The following SLC12A7 variants were observed in gnomAD, a reference collection of about 807,000 sequenced individuals.
SLC12A7 encodes solute carrier family 12 member 7.
In SLC12A7, 100 loss-of-function variants were observed where a neutral mutation model predicts 120.6. That is an observed-to-expected ratio of 0.83 (90% CI 0.71 to 0.98). The LOEUF (loss-of-function observed/expected upper bound fraction) is 0.98. SLC12A7 is among the 50% of genes least tolerant of loss of function. SLC12A7 has a pLI of 0.00. For synonymous variants in SLC12A7, 760 were observed against 678.0 expected (o/e 1.12, Z -1.88); for missense variants, 1,373 against 1,548.1 (o/e 0.89, Z 1.90).
the SLC12A7 span, among the ~76,000 whole-genome samples, chr5:1,121,788 C>T: frequency 1.3e-4 from 20 of 152,176 alleles, no homozygotes; most frequent in African/African-American, 2.7e-4. Context: ...GCCCCGGAGC[C>T]GCGCAGTTTC....
At chr5:1,138,006 C>A in the SLC12A7 span, among the ~76,000 whole-genome samples, 1 of 152,190 alleles carries the variant, frequency 6.6e-6, no homozygotes, top group Non-Finnish European at 1.5e-5. Flanking sequence ...GCAGGGATAG[C>A]CGCCGGCACC....
intron 3 of SLC12A7, 27 bp downstream of exon 3, chr5:1,093,506 G>GGGCGGGGACTA (rs1554020792): frequency 6.3e-7 from 1 of 1,579,876 alleles, no homozygotes. Flanking sequence ...GGCGGGGACT[G>GGGCGGGGACTA]GGCGGGCACG....
intron 22 of SLC12A7, among the ~76,000 whole-genome samples, chr5:1,056,322 TC>T (rs1735605445): frequency 6.6e-6 from 1 of 152,106 alleles, no homozygotes; most frequent in Non-Finnish European, 1.5e-5. Flanking sequence ...AGGTCTCAGT[TC>T]CTGGGCCTCA....
chr5:1,079,604 G>A (rs1045744124), intron 9 of SLC12A7, 108 bp from the exon 10 acceptor site: 20 of 861,148 alleles, frequency 2.3e-5, no homozygotes, highest in Admixed American at 1.6e-4. Context: ...GACCCCGAGC[G>A]TGAGCTGCAG....
intron 17 of SLC12A7, among the ~76,000 whole-genome samples, chr5:1,068,581 C>A (rs938972614): frequency 1.3e-5 from 2 of 152,252 alleles, no homozygotes; most frequent in African/African-American, 4.8e-5. Context: ...GCGGGGCCTG[C>A]GGCTGGCTCC....
the SLC12A7 span, among the ~76,000 whole-genome samples, chr5:1,154,241 G>T: frequency 2.0e-4 from 30 of 151,904 alleles, no homozygotes; most frequent in African/African-American, 7.2e-4. Context: ...TCTCCAAAGC[G>T]TGTGTGTCCA....
At chr5:1,137,165 C>T in the SLC12A7 span, among the ~76,000 whole-genome samples, 1 of 152,206 alleles carries the variant, frequency 6.6e-6, no homozygotes, top group Non-Finnish European at 1.5e-5. Context: ...TTTTCACCCC[C>T]TCAAGCTCAC....
chr5:1,081,526 AAG>A (rs1561070997), intron 9 of SLC12A7, 49 bp downstream of exon 9: 1 of 1,566,612 alleles, frequency 6.4e-7, no homozygotes, highest in South Asian at 1.2e-5. Flanking sequence ...TGCCTCAAAA[AAG>A]AGAGGGAGAG....
intron 21 of SLC12A7, among the ~76,000 whole-genome samples, chr5:1,059,442 A>C (rs1282490822): frequency 6.6e-6 from 1 of 152,172 alleles, no homozygotes; most frequent in African/African-American, 2.4e-5. Flanking sequence ...CTGCAGTCTC[A>C]GAAAACCAAC....
intron 20 of SLC12A7, among the ~76,000 whole-genome samples, chr5:1,063,531 T>C (rs1209599884): frequency 3.9e-5 from 6 of 152,142 alleles, no homozygotes; most frequent in Non-Finnish European, 5.9e-5. Context: ...CTTTCTGTGA[T>C]GTCCTGGCGA....
intron 3 of SLC12A7, among the ~76,000 whole-genome samples, chr5:1,089,915 C>T (rs1045050872): frequency 6.6e-6 from 1 of 152,370 alleles, no homozygotes. Flanking sequence ...GCCCCACTCC[C>T]GCCATGAGCA....
In SLC12A7 at chr5:1,063,421, A is replaced by G. The variant is rs565023995; in HGVS notation, c.2739+423T>C. Among the ~76,000 whole-genome samples the G allele has an allele frequency of 1.6e-4, 24 of 152,222 alleles. 1 individual carries two copies. The South Asian group carries it at 1.9e-3, about 12-fold the overall frequency. On this transcript the variant is annotated intron_variant, in intron 20 of 23. Transcript: ENST00000264930. ...GACGGGGTCCCGGGCCGAGGAGGAC[A>G]CGGGACCATGGAGGACACGGAGATG...
chr5:1,056,508 CGCAGGCCACACACACACAG>C (rs1229146923), intron 22 of SLC12A7: 1 of 782,114 alleles, frequency 1.3e-6, no homozygotes, highest in African/African-American at 1.9e-5. Context: ...CACAGACACA[CGCAGGCCACACACACACAG>C]GCATGCAGGG....
chr5:1,073,934 G>T (rs1014787639), intron 16 of SLC12A7, 133 bp from the exon 17 acceptor site: 1 of 824,960 alleles, frequency 1.2e-6, no homozygotes, highest in Non-Finnish European at 1.7e-6. Context: ...GCGGGACAGG[G>T]GACAAAAGGG....
intron 1 of SLC12A7, among the ~76,000 whole-genome samples, chr5:1,102,342 C>T (rs1449404925): frequency 6.6e-6 from 1 of 152,232 alleles, no homozygotes; most frequent in African/African-American, 2.4e-5. Context: ...GCCCTAATCC[C>T]CTCTGAGATC....
chr5:1,127,249 G>C, the SLC12A7 span, among the ~76,000 whole-genome samples: 7 of 152,320 alleles, frequency 4.6e-5, no homozygotes, highest in Non-Finnish European at 1.0e-4. Flanking sequence ...TCTTGACTTC[G>C]TGATCCACCT....
At chr5:1,138,779 G>A in the SLC12A7 span, among the ~76,000 whole-genome samples, 1 of 152,164 alleles carries the variant, frequency 6.6e-6, no homozygotes, top group Admixed American at 6.5e-5. Flanking sequence ...GAAGGACTTG[G>A]GCTCCAGAGA....
At chr5:1,066,549 G>A (rs920010296) in intron 17 of SLC12A7, among the ~76,000 whole-genome samples, 3 of 152,256 alleles carry the variant, frequency 2.0e-5, no homozygotes, top group Non-Finnish European at 4.4e-5. Context: ...GAGGATACCC[G>A]CATCCCAGCC....
intron 20 of SLC12A7, chr5:1,062,896 C>A (rs554927403): frequency 6.5e-6 from 1 of 154,426 alleles, no homozygotes; most frequent in Non-Finnish European, 1.5e-5. Flanking sequence ...CCGGAAGAAA[C>A]CAGGACTTTG....
Sources: gnomAD v4.1 joint callset for allele counts (sites outside exome capture counted in the v4.1 genomes callset) on GRCh38, gnomAD v4.1.1 for gene constraint, MANE v1.5 for transcripts, NCBI Gene and HGNC (gene_info 2026-07-23, HGNC 2026-07-21) for gene names.